CNTNAP2: variants seen among roughly 807,000 people sequenced by gnomAD.
CNTNAP2 encodes contactin-associated protein-like 2.
Under a neutral mutation model 155.2 loss-of-function variants are expected in CNTNAP2, and 98 were observed. That is an observed-to-expected ratio of 0.63 (90% confidence interval 0.54 to 0.75). The LOEUF (loss-of-function observed/expected upper bound fraction) is 0.75, where lower values mean the gene tolerates loss of function less well. Among genes scored for constraint, CNTNAP2 ranks in the 30% least tolerant of loss-of-function variants. The pLI, the probability that CNTNAP2 is intolerant of heterozygous loss-of-function variation, is 0.00. For missense variants in CNTNAP2, 1,727 were observed against 1,688.1 expected (o/e 1.02, Z -0.40); for synonymous variants, 651 against 631.2 (o/e 1.03, Z -0.47).
intron 18 of CNTNAP2, among the ~76,000 whole-genome samples, chr7:148,216,049 A>G (rs1033755010): frequency 1.3e-5 from 2 of 152,218 alleles, no homozygotes; most frequent in Non-Finnish European, 2.9e-5. Context: ...GCTTTCAGCA[A>G]GGCCCTTGTA....
intron 1 of CNTNAP2, among the ~76,000 whole-genome samples, chr7:146,684,450 T>G (rs1029441446): frequency 6.6e-6 from 1 of 151,950 alleles, no homozygotes; most frequent in African/African-American, 2.4e-5. Context: ...AACCAGATAT[T>G]CTTGAATTTA....
chr7:147,306,712 C>T (rs2116784620), intron 9 of CNTNAP2, among the ~76,000 whole-genome samples: 1 of 152,174 alleles, frequency 6.6e-6, no homozygotes, highest in East Asian at 1.9e-4. Flanking sequence ...GGTTAGCAAC[C>T]CTCGGAGCAG....
chr7:148,332,553 C>T (rs769053905), intron 21 of CNTNAP2, among the ~76,000 whole-genome samples: 3 of 152,160 alleles, frequency 2.0e-5, no homozygotes, highest in Non-Finnish European at 4.4e-5. Context: ...CATGTTTATG[C>T]ATGGTAATAT....
At chr7:146,543,603 G>A (rs1797986982) in intron 1 of CNTNAP2, among the ~76,000 whole-genome samples, 1 of 151,860 alleles carries the variant, frequency 6.6e-6, no homozygotes, top group Admixed American at 6.6e-5. Context: ...ACATTTCACT[G>A]TAATACCCTA....
intron 4 of CNTNAP2, among the ~76,000 whole-genome samples, chr7:147,060,084 T>C (rs1401392280): frequency 6.6e-6 from 1 of 152,168 alleles, no homozygotes. Context: ...AAAATAATTT[T>C]TTGTTTATTC....
chr7:146,258,360 T>A (rs1799870867), intron 1 of CNTNAP2, among the ~76,000 whole-genome samples: 1 of 152,228 alleles, frequency 6.6e-6, no homozygotes, highest in Non-Finnish European at 1.5e-5. Flanking sequence ...ATACATTTTT[T>A]AATATGTAAT....
At chr7:147,200,321 C>T (rs1035002234) in intron 8 of CNTNAP2, among the ~76,000 whole-genome samples, 40 of 152,122 alleles carry the variant, frequency 2.6e-4, no homozygotes, top group African/African-American at 7.7e-4. Context: ...AACAGCTCCA[C>T]GGATGCTGGC....
chr7:146,475,013 G>GCGCGCGCACACA (rs71525954), intron 1 of CNTNAP2, among the ~76,000 whole-genome samples: 20 of 144,382 alleles, frequency 1.4e-4, no homozygotes, highest in African/African-American at 5.0e-4. Context: ...GCGCGCGCGC[G>GCGCGCGCACACA]CACACACACA....
Position 146,947,410 on chromosome 7 carries a change from C to CTATA in CNTNAP2, c.403-96480_403-96477dup, listed in dbSNP as rs35859103. ...TCTCTCTCTCTCTCTCTCTCTCTCT[C>CTATA]TATATATATATATATATATACATAC... On this transcript the variant is annotated intron_variant, in intron 3 of 23. Transcript: ENST00000361727. 5.8e-4 allele frequency among the ~76,000 whole-genome samples: 71 copies of CTATA among 122,664 alleles called. 1 individual carries two copies. Among genetic ancestry groups the CTATA allele is most frequent in the Admixed American group, 1.6e-3 (18 of 11,550 alleles). 80.5% of individuals were successfully genotyped at this position (122,664 alleles called of 152,430 possible). A position where few individuals can be genotyped will look rare whatever the true frequency, so the allele number is the denominator to read the frequency against.
intron 3 of CNTNAP2, among the ~76,000 whole-genome samples, chr7:146,934,460 A>T (rs1474200938): frequency 1.1e-4 from 3 of 27,644 alleles, no homozygotes; most frequent in African/African-American, 1.5e-4. Context: ...GGGAGGGGGA[A>T]GGGGGGAGGG....
intron 1 of CNTNAP2, among the ~76,000 whole-genome samples, chr7:146,480,663 A>T (rs897912864): frequency 7.1e-5 from 10 of 140,670 alleles, no homozygotes; most frequent in Admixed American, 4.9e-4. Flanking sequence ...GAACCTATAA[A>T]ATATATATAT....
chr7:146,821,494 T>A (rs1585106735), intron 2 of CNTNAP2, among the ~76,000 whole-genome samples: 1 of 152,056 alleles, frequency 6.6e-6, no homozygotes, highest in East Asian at 1.9e-4. Flanking sequence ...ATGTTGGAGC[T>A]TCTGCACAGC....
At chr7:148,058,527 A>G (rs1214009429) in intron 15 of CNTNAP2, among the ~76,000 whole-genome samples, 2 of 152,074 alleles carry the variant, frequency 1.3e-5, no homozygotes, top group Non-Finnish European at 2.9e-5. Context: ...CTGGCTCTTT[A>G]TGGCCCGTAG....
intron 13 of CNTNAP2, among the ~76,000 whole-genome samples, chr7:147,713,058 G>C (rs921553079): frequency 6.6e-6 from 1 of 152,044 alleles, no homozygotes; most frequent in Admixed American, 6.6e-5. Context: ...TTACATGCTA[G>C]TACACGTGAT....
intron 14 of CNTNAP2, among the ~76,000 whole-genome samples, chr7:147,967,537 T>C (rs965893122): frequency 6.6e-6 from 1 of 152,190 alleles, no homozygotes; most frequent in Non-Finnish European, 1.5e-5. Flanking sequence ...AACTACAAAG[T>C]CTTGTCATAC....
chr7:146,428,732 G>A (rs897794385), intron 1 of CNTNAP2, among the ~76,000 whole-genome samples: 5 of 151,856 alleles, frequency 3.3e-5, no homozygotes, highest in African/African-American at 4.8e-5. Context: ...TTCTTTTGCT[G>A]TGCAGAAGCT....
chr7:146,931,073 G>A (rs1796745615), intron 3 of CNTNAP2, among the ~76,000 whole-genome samples: 1 of 151,856 alleles, frequency 6.6e-6, no homozygotes, highest in African/African-American at 2.4e-5. Flanking sequence ...ACTCAGCTCT[G>A]CACCAAGTGG....
At chr7:147,010,815 G>C (rs898070639) in intron 3 of CNTNAP2, among the ~76,000 whole-genome samples, 2 of 152,096 alleles carry the variant, frequency 1.3e-5, no homozygotes, top group African/African-American at 4.8e-5. Flanking sequence ...AAATATACTG[G>C]CTGAGAAAAC....
At chr7:147,462,491 A>T (rs1274599265) in intron 10 of CNTNAP2, among the ~76,000 whole-genome samples, 1 of 152,202 alleles carries the variant, frequency 6.6e-6, no homozygotes, top group Non-Finnish European at 1.5e-5. Context: ...TTATACAGTC[A>T]ATTTCATGTT....
Sources: allele counts gnomAD v4.1 joint callset (sites outside exome capture counted in the v4.1 genomes callset), GRCh38; gene constraint gnomAD v4.1.1; transcripts MANE v1.5; gene names NCBI Gene and HGNC (gene_info 2026-07-23, HGNC 2026-07-21).